Variants in DPYD observed in about 807,000 individuals in gnomAD.
DPYD encodes the protein dihydropyrimidine dehydrogenase [NADP(+)].
In DPYD, 109 loss-of-function variants were observed where a neutral mutation model predicts 116.2. The observed-to-expected ratio is 0.94, with a 90% CI of 0.80 to 1.10. DPYD has a LOEUF of 1.10. Among genes scored for constraint, DPYD ranks in the 50% least tolerant of loss-of-function variants. DPYD has a pLI of 0.00. For synonymous variants in DPYD, 440 were observed against 432.0 expected (o/e 1.02, Z -0.23); for missense variants, 1,302 against 1,254.5 (o/e 1.04, Z -0.57).
At chr1:97,645,546 C>A (rs1257584004) in intron 8 of DPYD, among the ~76,000 whole-genome samples, 2 of 151,930 alleles carry the variant, frequency 1.3e-5, no homozygotes, top group Non-Finnish European at 2.9e-5. Context: ...TATTCTAAAT[C>A]TCTGTATGCA....
intron 8 of DPYD, among the ~76,000 whole-genome samples, chr1:97,676,545 C>T (rs944120355): frequency 1.3e-5 from 2 of 152,070 alleles, no homozygotes; most frequent in Non-Finnish European, 2.9e-5. Flanking sequence ...TCTGAAACTG[C>T]CCAAATGTAT....
At chr1:97,723,043 T>A (rs1663010555) in intron 4 of DPYD, among the ~76,000 whole-genome samples, 1 of 151,380 alleles carries the variant, frequency 6.6e-6, no homozygotes, top group Non-Finnish European at 1.5e-5. Context: ...AAAGAAACAA[T>A]TAATAATAGC....
chr1:97,412,704 T>C (rs1445347174), intron 14 of DPYD, among the ~76,000 whole-genome samples: 2 of 152,338 alleles, frequency 1.3e-5, no homozygotes, highest in South Asian at 2.1e-4. Flanking sequence ...AGAGTTGCTA[T>C]GTATTTTCAA....
At chr1:97,167,638 T>C (rs182066089) in intron 20 of DPYD, among the ~76,000 whole-genome samples, 1 of 152,254 alleles carries the variant, frequency 6.6e-6, no homozygotes, top group East Asian at 1.9e-4. Context: ...GTACATCCAA[T>C]GGGAAGAATT....
intron 12 of DPYD, among the ~76,000 whole-genome samples, chr1:97,527,087 C>CT (rs994499498): frequency 9.9e-5 from 14 of 141,072 alleles, no homozygotes; most frequent in East Asian, 2.1e-4. Flanking sequence ...TTTTTTTTTT[C>CT]TTTTTTTTTG....
intron 14 of DPYD, among the ~76,000 whole-genome samples, chr1:97,413,498 C>T (rs1479529403): frequency 6.6e-6 from 1 of 152,146 alleles, no homozygotes; most frequent in Non-Finnish European, 1.5e-5. Flanking sequence ...GGTTCTGGCT[C>T]TGTCACCCAG....
intron 16 of DPYD, among the ~76,000 whole-genome samples, chr1:97,366,827 T>C (rs1409563762): frequency 6.6e-6 from 1 of 152,142 alleles, no homozygotes; most frequent in African/African-American, 2.4e-5. Context: ...TACTGTGGCT[T>C]AAGTTTGTTG....
Position 97,828,240 on chromosome 1 carries a change from GA to G in DPYD, c.151-45del. 1.3e-6 allele frequency: 2 copies of G among 1,582,012 alleles called. 1 individual carries two copies. Among genetic ancestry groups the G allele is most frequent in the South Asian group, 2.2e-5 (2 of 89,990 alleles). On this transcript the variant is annotated intron_variant, in intron 2 of 22. Coordinates refer to ENST00000370192, the MANE Select transcript of DPYD (RefSeq NM_000110.4). ...TTGCATTAATTCTCTAAGATCCTGAGAAAAATTGTATCTATGCAGTTATGCA... is the reference window on the plus strand; with the variant it reads ...TTGCATTAATTCTCTAAGATCCTGAGAAAATTGTATCTATGCAGTTATGCA...
At chr1:97,103,532 A>T (rs1222276216) in intron 20 of DPYD, among the ~76,000 whole-genome samples, 2 of 152,148 alleles carry the variant, frequency 1.3e-5, no homozygotes, top group Non-Finnish European at 2.9e-5. Flanking sequence ...AAATATATGA[A>T]ATATGAGTAT....
At chr1:97,837,469 T>A (rs536993969) in intron 2 of DPYD, among the ~76,000 whole-genome samples, 2 of 152,292 alleles carry the variant, frequency 1.3e-5, no homozygotes, top group East Asian at 1.9e-4. Flanking sequence ...AGCATGAAGA[T>A]AATTATGTCA....
intron 20 of DPYD, among the ~76,000 whole-genome samples, chr1:97,134,016 T>A (rs1270417390): frequency 0.39 from 3,682 of 9,422 alleles, 568 homozygotes; most frequent in East Asian, 0.57. Flanking sequence ...AAAAAAAAAA[T>A]ATATATATAT....
intron 8 of DPYD, among the ~76,000 whole-genome samples, chr1:97,632,375 C>T (rs1657317053): frequency 6.6e-6 from 1 of 152,130 alleles, no homozygotes; most frequent in Admixed American, 6.6e-5. Context: ...CCCCAGTATT[C>T]TACTGCTTAA....
chr1:97,463,887 T>C (rs902143793), intron 13 of DPYD, among the ~76,000 whole-genome samples: 6 of 152,098 alleles, frequency 3.9e-5, no homozygotes, highest in African/African-American at 1.2e-4. Flanking sequence ...AAGAGGTGAC[T>C]TGGGTGGTGT....
intron 3 of DPYD, among the ~76,000 whole-genome samples, chr1:97,785,725 C>T (rs546722064): frequency 4.3e-4 from 52 of 122,076 alleles, no homozygotes; most frequent in Admixed American, 8.0e-4. Flanking sequence ...CGGAGTCTCG[C>T]TCTGTCACCC....
chr1:97,373,404 C>T lies in DPYD; in HGVS notation c.2058+157G>A, dbSNP rs115139529. On this transcript the variant is annotated intron_variant, in intron 16 of 22. Coordinates refer to ENST00000370192, the MANE Select transcript of DPYD (RefSeq NM_000110.4). ...TATAATTTCAGCTTCCCTCATTTTC[C>T]ACTTTTTAAACACTAAATATTTAAA... Among the ~76,000 whole-genome samples, 1,049 of 152,266 alleles carry T rather than the reference C, an allele frequency of 6.9e-3. 15 individuals carry two copies. The highest frequency in any genetic ancestry group is 0.024 in the African/African-American group (990 of 41,566).
chr1:97,747,037 GTCC>G, intron 3 of DPYD, among the ~76,000 whole-genome samples: 1 of 151,794 alleles, frequency 6.6e-6, no homozygotes, highest in African/African-American at 2.4e-5. Flanking sequence ...AAGGAAAAGT[GTCC>G]CAATTCTGAC....
At chr1:97,190,827 T>C (rs1658298380) in intron 20 of DPYD, among the ~76,000 whole-genome samples, 1 of 152,204 alleles carries the variant, frequency 6.6e-6, no homozygotes, top group African/African-American at 2.4e-5. Flanking sequence ...TTCTTCTAAA[T>C]ATCTATTCTG....
At chr1:97,742,815 C>G (rs543878337) in intron 3 of DPYD, among the ~76,000 whole-genome samples, 2 of 152,080 alleles carry the variant, frequency 1.3e-5, no homozygotes, top group East Asian at 3.9e-4. Context: ...TAAATGTCAC[C>G]TTATTGTTGA....
In DPYD at chr1:97,225,055, A is replaced by ATCTATCTG. The variant is rs1411102672; in HGVS notation, c.2442+9796_2442+9797insCAGATAGA. Among the ~76,000 whole-genome samples, 177 of 140,988 alleles carry ATCTATCTG rather than the reference A, an allele frequency of 1.3e-3. 1 individual carries two copies. Among genetic ancestry groups the ATCTATCTG allele is most frequent in the African/African-American group, 4.1e-3 (156 of 38,156 alleles). 92.5% of individuals were successfully genotyped at this position (140,988 alleles called of 152,430 possible). A position where few individuals can be genotyped will look rare whatever the true frequency, so the allele number is the denominator to read the frequency against. ...TATCTATCTATCTATCTATCTATCT[A>ATCTATCTG]TCTGTCTATCATCTATCTATATGTA... On this transcript the variant is annotated intron_variant, in intron 19 of 22. Coordinates refer to ENST00000370192, the MANE Select transcript of DPYD (RefSeq NM_000110.4).
Sources: gnomAD v4.1 joint callset for allele counts (sites outside exome capture counted in the v4.1 genomes callset) on GRCh38, gnomAD v4.1.1 for gene constraint, MANE v1.5 for transcripts, NCBI Gene and HGNC (gene_info 2026-07-23, HGNC 2026-07-21) for gene names.